ADGRB3: variants seen among roughly 807,000 people sequenced by gnomAD.
The protein encoded by ADGRB3 is adhesion G protein-coupled receptor B3, also known as brain-specific angiogenesis inhibitor 3.
Under a neutral mutation model 193.4 loss-of-function variants are expected in ADGRB3, and 37 were observed. That is an observed-to-expected ratio of 0.19 (90% CI 0.15 to 0.25). The LOEUF is 0.25. Ranked by LOEUF, ADGRB3 falls within the 10% of genes least tolerant of loss-of-function variation. The pLI is 1.00. For synonymous variants in ADGRB3, 690 were observed against 644.2 expected (o/e 1.07, Z -1.08); for missense variants, 1,637 against 1,852.9 (o/e 0.88, Z 2.14).
chr6:69,109,885 T>C (rs1043898930), intron 17 of ADGRB3, among the ~76,000 whole-genome samples: 3 of 152,132 alleles, frequency 2.0e-5, no homozygotes, highest in African/African-American at 7.2e-5. Flanking sequence ...TTGAGTATAA[T>C]TAATAGCCAT....
At chr6:69,339,098 T>C (rs758172192) in intron 25 of ADGRB3, 84 bp downstream of exon 25, 38 of 1,444,176 alleles carry the variant, frequency 2.6e-5, no homozygotes, top group Non-Finnish European at 3.7e-5. Flanking sequence ...AAAATTGTGT[T>C]TTCTAATACA....
chr6:69,058,013 G>A (rs1771596997), intron 15 of ADGRB3, among the ~76,000 whole-genome samples: 1 of 151,812 alleles, frequency 6.6e-6, no homozygotes, highest in African/African-American at 2.4e-5. Flanking sequence ...AATGAGTTGT[G>A]TTTATTCTTC....
At chr6:68,950,502 C>A (rs950549677) in intron 6 of ADGRB3, among the ~76,000 whole-genome samples, 1 of 152,000 alleles carries the variant, frequency 6.6e-6, no homozygotes, top group Non-Finnish European at 1.5e-5. Flanking sequence ...TTGCAGTACT[C>A]GCTGCTTTGT....
At position 69,163,375 on chromosome 6, in the gene ADGRB3, A is replaced by G. The variant is rs933994252; in HGVS notation, c.2481-69915A>G. On this transcript the variant is annotated intron_variant, in intron 17 of 31. Transcript: ENST00000370598. ...GCAGCTTTTTTCTACCTCTATTGCA[A>G]CCAGGTACCCCTCTTCCTATATTAC... Among the ~76,000 whole-genome samples, 16 of 152,098 alleles carry G rather than the reference A, an allele frequency of 1.1e-4. 1 individual carries two copies. The highest frequency in any genetic ancestry group is 8.5e-4 in the Admixed American group (13 of 15,256).
intron 3 of ADGRB3, among the ~76,000 whole-genome samples, chr6:68,901,873 G>GT (rs1766403341): frequency 1.3e-5 from 2 of 151,908 alleles, no homozygotes; most frequent in Admixed American, 1.3e-4. Context: ...GTTAAGATTT[G>GT]TTTTTTTCAA....
chr6:69,041,550 T>C (rs1771072068), intron 13 of ADGRB3, among the ~76,000 whole-genome samples: 1 of 152,124 alleles, frequency 6.6e-6, no homozygotes, highest in African/African-American at 2.4e-5. Context: ...AATCACAGTG[T>C]GCCTCCTCAT....
chr6:68,822,988 G>C (rs546643257), intron 3 of ADGRB3, among the ~76,000 whole-genome samples: 2 of 152,074 alleles, frequency 1.3e-5, no homozygotes, highest in Admixed American at 1.3e-4. Flanking sequence ...TAAAGCACAA[G>C]AAGTTTCAAG....
chr6:68,739,037 C>T (rs985983392), intron 3 of ADGRB3, among the ~76,000 whole-genome samples: 2 of 152,122 alleles, frequency 1.3e-5, no homozygotes, highest in African/African-American at 4.8e-5. Context: ...GTAAAAGGAA[C>T]AGGTGCAAGC....
At chr6:68,734,772 A>G (rs1253728085) in intron 3 of ADGRB3, among the ~76,000 whole-genome samples, 2 of 152,058 alleles carry the variant, frequency 1.3e-5, no homozygotes, top group Non-Finnish European at 2.9e-5. Flanking sequence ...TTAATGAAAC[A>G]TTTGGAAGAA....
chr6:69,326,529 A>G (rs1398900804), intron 21 of ADGRB3, among the ~76,000 whole-genome samples: 1 of 152,178 alleles, frequency 6.6e-6, no homozygotes, highest in Non-Finnish European at 1.5e-5. Context: ...TACAGCTAAT[A>G]TTAAACTACT....
Position 68,721,655 on chromosome 6 carries a change from T to A in ADGRB3, c.757+82223T>A, listed in dbSNP as rs867590035. Among the ~76,000 whole-genome samples the A allele has an allele frequency of 1.7e-4, 24 of 141,332 alleles. No individual in the cohort carries two copies. The South Asian group carries it at 3.5e-3, about 21-fold the overall frequency. 92.7% of individuals were successfully genotyped at this position (141,332 alleles called of 152,430 possible). ...ATATATATATATATATATATATATA[T>A]AAATTATCATCTCAACTTCAATAAG... On this transcript the variant is annotated intron_variant, in intron 3 of 31. Coordinates refer to ENST00000370598, the MANE Select transcript of ADGRB3 (RefSeq NM_001704.3).
intron 17 of ADGRB3, among the ~76,000 whole-genome samples, chr6:69,136,998 G>A (rs1156510467): frequency 6.0e-5 from 9 of 149,806 alleles, no homozygotes; most frequent in African/African-American, 9.8e-5. Context: ...TTTTCCAATA[G>A]AAAATATCTT....
intron 3 of ADGRB3, among the ~76,000 whole-genome samples, chr6:68,895,707 T>C (rs1285819814): frequency 6.6e-6 from 1 of 152,022 alleles, no homozygotes; most frequent in Non-Finnish European, 1.5e-5. Flanking sequence ...AATAACTTTT[T>C]TAAAGTACAG....
intron 13 of ADGRB3, among the ~76,000 whole-genome samples, chr6:69,043,005 C>G (rs12212638): frequency 1.3e-5 from 2 of 151,968 alleles, no homozygotes; most frequent in African/African-American, 4.8e-5. Flanking sequence ...ACTGCGTTTA[C>G]CACTTAGTCT....
chr6:68,660,757 C>A (rs1159876833), intron 3 of ADGRB3, among the ~76,000 whole-genome samples: 1 of 150,996 alleles, frequency 6.6e-6, no homozygotes, highest in Non-Finnish European at 1.5e-5. Flanking sequence ...CACAGTAATT[C>A]CAATTTTTAA....
At chr6:69,289,234 C>G (rs1767615627) in intron 20 of ADGRB3, among the ~76,000 whole-genome samples, 1 of 152,158 alleles carries the variant, frequency 6.6e-6, no homozygotes, top group South Asian at 2.1e-4. Context: ...GAGTCTTGAG[C>G]TGCCTCACAC....
chr6:69,268,031 C>T (rs1464420392), intron 20 of ADGRB3, among the ~76,000 whole-genome samples: 1 of 152,048 alleles, frequency 6.6e-6, no homozygotes, highest in Non-Finnish European at 1.5e-5. Flanking sequence ...GAGGCATTCC[C>T]ATATTTATTA....
At chr6:68,889,487 T>G (rs929588349) in intron 3 of ADGRB3, among the ~76,000 whole-genome samples, 1 of 130,196 alleles carries the variant, frequency 7.7e-6, no homozygotes, top group African/African-American at 3.5e-5. Context: ...TAAATATTCC[T>G]TTTTTTTCTT....
At chr6:69,211,194 A>G (rs984791931) in intron 17 of ADGRB3, among the ~76,000 whole-genome samples, 1 of 152,094 alleles carries the variant, frequency 6.6e-6, no homozygotes, top group African/African-American at 2.4e-5. Context: ...AAAAGGGAGA[A>G]AGTTCTCTTT....
Sources: allele counts gnomAD v4.1 joint callset (sites outside exome capture counted in the v4.1 genomes callset), GRCh38; gene constraint gnomAD v4.1.1; transcripts MANE v1.5; gene names NCBI Gene and HGNC (gene_info 2026-07-23, HGNC 2026-07-21).